The following MROH1 variants were observed in gnomAD, a reference collection of about 807,000 sequenced individuals.
MROH1 encodes the protein maestro heat-like repeat-containing protein family member 1.
Under a neutral mutation model 116.5 loss-of-function variants are expected in MROH1, and 117 were observed. The observed-to-expected ratio is 1.00, with a 90% confidence interval of 0.86 to 1.17. The LOEUF is 1.17. Among genes scored for constraint, MROH1 ranks in the 50% most tolerant of loss-of-function variants. The pLI, the probability that MROH1 is intolerant of heterozygous loss-of-function variation, is 0.00. For synonymous variants in MROH1, 921 were observed against 583.9 expected (o/e 1.58, Z -8.32); for missense variants, 1,873 against 1,338.5 (o/e 1.40, Z -6.23).
intron 35 of MROH1, among the ~76,000 whole-genome samples, 198 bp from the exon 36 acceptor site, chr8:144,258,579 T>A (rs1375235927): frequency 6.6e-6 from 1 of 152,170 alleles, no homozygotes; most frequent in African/African-American, 2.4e-5. Context: ...CAAGCCAACA[T>A]CTGCGTCCTT....
intron 12 of MROH1, among the ~76,000 whole-genome samples, chr8:144,216,212 T>G (rs1345783544): frequency 1.3e-5 from 2 of 150,722 alleles, no homozygotes; most frequent in African/African-American, 4.9e-5. Flanking sequence ...CAGTGGCTCA[T>G]GCCTGTAATC....
At chr8:144,253,365 C>T (rs914681710) in intron 33 of MROH1, among the ~76,000 whole-genome samples, 9 of 152,248 alleles carry the variant, frequency 5.9e-5, no homozygotes, top group Admixed American at 1.3e-4. Context: ...TGGCTGCTCT[C>T]GCACTACAGC....
chr8:144,199,455 C>G (rs901082317), intron 11 of MROH1, among the ~76,000 whole-genome samples: 102 of 152,244 alleles, frequency 6.7e-4, no homozygotes, highest in African/African-American at 2.3e-3. Flanking sequence ...CCTCCACTCA[C>G]CGTCCAGTCT....
chr8:144,250,192 C>T lies in MROH1; in HGVS notation c.3274-20C>T, dbSNP rs1482611579. ...TGTCCCCCACGCGTGGCCTGACCAC[C>T]GTGTCCCGCCCATCTACAGGTGCCC... On this transcript the variant is annotated intron_variant, in intron 32 of 43. Transcript: ENST00000326134. 35 of 762,528 alleles carry T rather than the reference C, an allele frequency of 4.6e-5. No homozygotes were observed. The highest frequency in any genetic ancestry group is 3.3e-4 in the Middle Eastern group (1 of 3,032). 47.2% of individuals were successfully genotyped at this position (762,528 alleles called of 1,614,324 possible).
intron 12 of MROH1, among the ~76,000 whole-genome samples, chr8:144,211,393 A>C (rs1323782334): frequency 1.3e-5 from 2 of 152,214 alleles, no homozygotes; most frequent in Non-Finnish European, 2.9e-5. Flanking sequence ...TACTTGCCCC[A>C]GGTACCATTT....
At chr8:144,183,778 G>A (rs1163756388) in intron 7 of MROH1, among the ~76,000 whole-genome samples, 2 of 151,962 alleles carry the variant, frequency 1.3e-5, no homozygotes, top group African/African-American at 4.8e-5. Flanking sequence ...TCTCCGAGTA[G>A]CTGGGACTAC....
intron 39 of MROH1, 48 bp downstream of exon 39, chr8:144,260,422 G>T: frequency 1.4e-6 from 1 of 702,008 alleles, no homozygotes; most frequent in South Asian, 1.5e-5. Flanking sequence ...AGCCCTTCCT[G>T]CCTCTTACTC....
chr8:144,182,309 G>A lies in MROH1; in HGVS notation c.562+1786G>A, dbSNP rs1344660734. ...GGAAGACTCCCAGTGGTGGAGGCACGGCTGGCCTGGCCACGCCGTCCAGCA... is the reference window on the plus strand; with the variant it reads ...GGAAGACTCCCAGTGGTGGAGGCACAGCTGGCCTGGCCACGCCGTCCAGCA... On this transcript the variant is annotated intron_variant, in intron 7 of 43. Coordinates refer to ENST00000326134, the MANE Select transcript of MROH1 (RefSeq NM_032450.3). The surrounding 1 kb of genome is among the most constrained non-coding windows in gnomAD (Gnocchi z 4.1). Among the ~76,000 whole-genome samples the A allele has an allele frequency of 6.6e-6, 1 of 152,218 alleles. No individual in the cohort carries two copies. The highest frequency in any genetic ancestry group is 1.5e-5 in the Non-Finnish European group (1 of 68,034).
chr8:144,215,605 C>G (rs965412339), intron 12 of MROH1, among the ~76,000 whole-genome samples: 1 of 152,206 alleles, frequency 6.6e-6, no homozygotes, highest in Non-Finnish European at 1.5e-5. Context: ...GGCATGGTGG[C>G]TCACGCCTGT....
intron 12 of MROH1, among the ~76,000 whole-genome samples, chr8:144,220,339 C>T (rs1163135407): frequency 1.3e-5 from 2 of 152,342 alleles, no homozygotes; most frequent in East Asian, 3.9e-4. Flanking sequence ...GCGTTGGAAC[C>T]TGCGTGTACC....
chr8:144,260,978 A>G lies in MROH1; in HGVS notation c.4608A>G (p.Lys1536=), dbSNP rs886152269. Residue 1536 remains lysine, a synonymous_variant, in exon 41 of 44, where the codon AAA becomes AAG. Coordinates refer to ENST00000326134, the MANE Select transcript of MROH1 (RefSeq NM_032450.3). ...AGGAGCTCTCAGCTGCTTTCCAGAA[A>G]CACCTGCAGGAGGGCCGAGCCCTGC... ...ACEELSAAFQ[K]HLQEGRALHF... 1 of 755,652 alleles carries G rather than the reference A, an allele frequency of 1.3e-6. No individual in the cohort carries two copies. The highest frequency in any genetic ancestry group is 2.5e-6 in the Non-Finnish European group (1 of 405,398). The allele number at this position is 755,652 out of a possible 1,614,324, so 46.8% of individuals were successfully genotyped here.
chr8:144,177,458 G>A (rs986076315), intron 4 of MROH1, among the ~76,000 whole-genome samples: 4 of 152,206 alleles, frequency 2.6e-5, no homozygotes, highest in East Asian at 1.9e-4. Flanking sequence ...TCCTCCAAAC[G>A]ACCTTGTCAC....
rs1843585245 is a variant in MROH1 at position 144,255,554 on chromosome 8, C to A, written c.3640C>A (p.Pro1214Thr). Reference sequence around the variant, plus strand: ...GGTCATGTCCACGCCTGCAGCGGGGCCCGCGGTGCTCGAGCTCTACCCCCA... The same window carrying A: ...GGTCATGTCCACGCCTGCAGCGGGGACCGCGGTGCTCGAGCTCTACCCCCA... ...FEVMSTPAAGPAVLELYPQLF... is the reference protein window; with the variant it reads ...FEVMSTPAAGTAVLELYPQLF... The change falls in exon 35 of 44, where the codon CCC becomes ACC. Residue 1214 changes from proline to threonine, a missense_variant. Pro to Thr is a conservative substitution (Grantham distance 38, BLOSUM62 -1). Transcript: ENST00000326134. 1.3e-6 allele frequency: 1 copy of A among 779,352 alleles called. No homozygotes were observed. Among genetic ancestry groups the A allele is most frequent in the Non-Finnish European group, 2.4e-6 (1 of 417,794 alleles). The allele number at this position is 779,352 out of a possible 1,614,324, so 48.3% of individuals were successfully genotyped here.
chr8:144,242,122 G>T (rs1347878100), intron 22 of MROH1: 6 of 595,794 alleles, frequency 1.0e-5, no homozygotes, highest in Non-Finnish European at 1.5e-5. Flanking sequence ...CTCGGCCCTT[G>T]GCCCTCTGTT....
At chr8:144,230,035 A>AT (rs1393424075) in intron 14 of MROH1, among the ~76,000 whole-genome samples, 3 of 127,472 alleles carry the variant, frequency 2.4e-5, no homozygotes, top group African/African-American at 7.4e-5. Flanking sequence ...CTCTGTCTCA[A>AT]AAATAATAAT....
Position 144,190,945 on chromosome 8 carries a change from G to T in MROH1, c.714+10G>T, listed in dbSNP as rs377014823. The T allele has an allele frequency of 5.6e-6, 9 of 1,611,650 alleles. No individual in the cohort carries two copies. Among genetic ancestry groups the T allele is most frequent in the Middle Eastern group, 1.6e-4 (1 of 6,082 alleles). On this transcript the variant is annotated intron_variant, in intron 8 of 43. Coordinates refer to ENST00000326134, the MANE Select transcript of MROH1 (RefSeq NM_032450.3). Reference sequence around the variant, plus strand: ...GAGTCGAGAAGCCAAGGTATGCCCCGTGGCTGCATCAGTCCACGCCTGATG... The same window carrying T: ...GAGTCGAGAAGCCAAGGTATGCCCCTTGGCTGCATCAGTCCACGCCTGATG...
chr8:144,207,585 A>G (rs1457743482), intron 12 of MROH1, among the ~76,000 whole-genome samples: 3 of 151,974 alleles, frequency 2.0e-5, no homozygotes, highest in African/African-American at 4.8e-5. Flanking sequence ...AGCTTACCAC[A>G]TCCTCGGCCT....
At chr8:144,167,146 C>T (rs1420720693) in intron 3 of MROH1, among the ~76,000 whole-genome samples, 1 of 152,096 alleles carries the variant, frequency 6.6e-6, no homozygotes, top group South Asian at 2.1e-4. Context: ...GGGACATCCA[C>T]AAACCAGCCT....
chr8:144,197,526 C>T (rs1248258935), intron 10 of MROH1, among the ~76,000 whole-genome samples: 2 of 144,938 alleles, frequency 1.4e-5, no homozygotes, highest in Admixed American at 7.1e-5. Flanking sequence ...AGCTCTGCCT[C>T]CCCGGTTCAC....
Sources: allele counts gnomAD v4.1 joint callset (sites outside exome capture counted in the v4.1 genomes callset), GRCh38; gene constraint gnomAD v4.1.1; non-coding constraint Gnocchi (gnomAD v3.1); transcripts MANE v1.5; gene names NCBI Gene and HGNC (gene_info 2026-07-23, HGNC 2026-07-21).